The following CPEB3 variants were observed in gnomAD, a reference collection of about 807,000 sequenced individuals.
CPEB3 encodes cytoplasmic polyadenylation element binding protein 3, also known as cytoplasmic polyadenylation element-binding protein 3.
CPEB3 carries 20 observed loss-of-function variants against 67.2 expected under a neutral mutation model. The observed-to-expected ratio is 0.30, with a 90% confidence interval of 0.21 to 0.43. CPEB3 has a LOEUF of 0.43. CPEB3 is among the 20% of genes least tolerant of loss of function. CPEB3 has a pLI of 1.00. For synonymous variants in CPEB3, 376 were observed against 393.1 expected (o/e 0.96, Z 0.51); for missense variants, 746 against 968.6 (o/e 0.77, Z 3.05).
At chr10:92,210,078 C>A (rs1040676673) in intron 2 of CPEB3, among the ~76,000 whole-genome samples, 11 of 151,588 alleles carry the variant, frequency 7.3e-5, no homozygotes, top group African/African-American at 2.7e-4. Context: ...CCAAAATAAT[C>A]AGTCTTTCAT....
intron 7 of CPEB3, among the ~76,000 whole-genome samples, chr10:92,108,624 T>C (rs548836189): frequency 7.9e-5 from 12 of 152,340 alleles, no homozygotes; most frequent in African/African-American, 2.2e-4. Flanking sequence ...ATTCTGAGTA[T>C]GCCTGGGTCA....
At chr10:92,150,280 T>TG (rs1258881772) in intron 4 of CPEB3, among the ~76,000 whole-genome samples, 1 of 151,274 alleles carries the variant, frequency 6.6e-6, no homozygotes, top group Non-Finnish European at 1.5e-5. Context: ...AATATAGAGA[T>TG]GGGGTCTCAC....
chr10:92,139,442 C>T (rs1018712876), intron 6 of CPEB3, among the ~76,000 whole-genome samples: 1 of 151,868 alleles, frequency 6.6e-6, no homozygotes, highest in Non-Finnish European at 1.5e-5. Flanking sequence ...AGACAAACTT[C>T]CCATTGTCTC....
chr10:92,195,691 G>A (rs536013338), intron 2 of CPEB3, among the ~76,000 whole-genome samples: 11 of 152,230 alleles, frequency 7.2e-5, no homozygotes, highest in Admixed American at 2.6e-4. Context: ...ATAAGAAAAC[G>A]CTATTTGAAG....
At chr10:92,243,878 C>A (rs1275306243) in intron 1 of CPEB3, among the ~76,000 whole-genome samples, 3 of 152,102 alleles carry the variant, frequency 2.0e-5, no homozygotes, top group Non-Finnish European at 4.4e-5. Flanking sequence ...TTTTAGTTTT[C>A]AATGCAGGAA....
At chr10:92,240,781 T>C (rs996465210) in intron 1 of CPEB3, among the ~76,000 whole-genome samples, 3 of 152,204 alleles carry the variant, frequency 2.0e-5, no homozygotes, top group Non-Finnish European at 2.9e-5. Flanking sequence ...CAATAAATAC[T>C]GCTGCGTCCT....
chr10:92,199,128 A>G (rs1396932120), intron 2 of CPEB3, among the ~76,000 whole-genome samples: 1 of 152,230 alleles, frequency 6.6e-6, no homozygotes, highest in Non-Finnish European at 1.5e-5. Context: ...GCAGTGGCTC[A>G]CGCCTGTAAT....
chr10:92,200,414 G>A (rs946343211), intron 2 of CPEB3, among the ~76,000 whole-genome samples: 16 of 151,886 alleles, frequency 1.1e-4, no homozygotes, highest in South Asian at 2.1e-4. Flanking sequence ...GCGTGGTGGC[G>A]CATGCCTGTA....
rs775917113 is a variant in CPEB3, at chr10:92,051,052, C to T, written c.*1160G>A. ...AATTTCACAATATATAACAGAGCAC[C>T]GCAAAGTACTTCATCTACCATCCAC... On this transcript the variant is annotated 3_prime_UTR_variant, in exon 10 of 10. Transcript: ENST00000265997. 3.3e-5 allele frequency: 5 copies of T among 152,428 alleles called. No homozygotes were observed. The highest frequency in any genetic ancestry group is 2.0e-4 in the Admixed American group (3 of 15,258). The allele number at this position is 152,428 out of a possible 1,614,324, so 9.4% of individuals were successfully genotyped here.
At chr10:92,065,708 G>A (rs570715016) in intron 9 of CPEB3, among the ~76,000 whole-genome samples, 1 of 152,182 alleles carries the variant, frequency 6.6e-6, no homozygotes, top group East Asian at 1.9e-4. Flanking sequence ...CATTTAAAGA[G>A]TACATCTGGG....
At chr10:92,149,515 T>TAA (rs1158086710) in intron 4 of CPEB3, among the ~76,000 whole-genome samples, 1 of 152,188 alleles carries the variant, frequency 6.6e-6, no homozygotes, top group African/African-American at 2.4e-5. Flanking sequence ...ATGGCCAACA[T>TAA]AACCACAGCT....
At chr10:92,263,637 T>C (rs1456235691) in intron 1 of CPEB3, among the ~76,000 whole-genome samples, 1 of 152,178 alleles carries the variant, frequency 6.6e-6, no homozygotes, top group Non-Finnish European at 1.5e-5. Context: ...TTCCTGCTTA[T>C]GGAAGCAAAA....
intron 6 of CPEB3, among the ~76,000 whole-genome samples, chr10:92,126,747 G>A (rs1302633942): frequency 6.6e-6 from 1 of 152,084 alleles, no homozygotes; most frequent in Non-Finnish European, 1.5e-5. Context: ...TATCCACCAG[G>A]TAAAATAGTA....
chr10:92,052,480 A>G (rs1456489124), intron 9 of CPEB3, 41 bp from the exon 10 acceptor site: 1 of 1,555,924 alleles, frequency 6.4e-7, no homozygotes, highest in Admixed American at 1.7e-5. Flanking sequence ...TGATTTAGCA[A>G]AGCTTCCTTA....
At chr10:92,157,062 T>A (rs992004038) in intron 4 of CPEB3, among the ~76,000 whole-genome samples, 3 of 152,160 alleles carry the variant, frequency 2.0e-5, no homozygotes. Flanking sequence ...AAGACACAGA[T>A]TGTGATCTTG....
chr10:92,273,927 G>A (rs1335310047), intron 1 of CPEB3, among the ~76,000 whole-genome samples: 1 of 152,112 alleles, frequency 6.6e-6, no homozygotes. Context: ...CTAACATGCA[G>A]CAACTTCTTT....
intron 1 of CPEB3, among the ~76,000 whole-genome samples, chr10:92,243,933 C>G (rs940230313): frequency 6.6e-6 from 1 of 152,146 alleles, no homozygotes; most frequent in Non-Finnish European, 1.5e-5. Context: ...TCTGAACCAA[C>G]TCACCTCCTT....
chr10:92,134,846 C>G (rs1846013897), intron 6 of CPEB3, among the ~76,000 whole-genome samples: 2 of 151,836 alleles, frequency 1.3e-5, no homozygotes, highest in Admixed American at 1.3e-4. Context: ...ACAGAGGCCT[C>G]AGAAACAACA....
Position 92,106,859 on chromosome 10 carries a change from A to G in CPEB3, c.1572+4217T>C, listed in dbSNP as rs1844496584. On this transcript the variant is annotated intron_variant, in intron 7 of 9. Coordinates refer to ENST00000265997, the MANE Select transcript of CPEB3 (RefSeq NM_014912.5). Reference sequence around the variant, plus strand: ...AAAAAAAGAAAGAAAGAAAAAAGAAAAAAAGAAAAAGGAAGGAAGGAAGAA... The same window carrying G: ...AAAAAAAGAAAGAAAGAAAAAAGAAGAAAAGAAAAAGGAAGGAAGGAAGAA... Among the ~76,000 whole-genome samples the G allele has an allele frequency of 1.3e-5, 2 of 151,534 alleles. 1 individual carries two copies. The highest frequency in any genetic ancestry group is 2.9e-5 in the Non-Finnish European group (2 of 67,896).
Sources: gnomAD v4.1 joint callset for allele counts (sites outside exome capture counted in the v4.1 genomes callset) on GRCh38, gnomAD v4.1.1 for gene constraint, MANE v1.5 for transcripts, NCBI Gene and HGNC (gene_info 2026-07-23, HGNC 2026-07-21) for gene names.